The following SLC29A2 variants were observed in gnomAD, a reference collection of about 807,000 sequenced individuals.
The protein encoded by SLC29A2 is solute carrier family 29 member 2, also known as equilibrative nucleoside transporter 2.
A neutral mutation model predicts 48.8 loss-of-function variants in SLC29A2; 37 were observed. The ratio of observed to expected loss-of-function variants is 0.76; its 90% confidence interval spans 0.58 to 1.00. The LOEUF is 1.00. Among genes scored for constraint, SLC29A2 ranks in the 50% least tolerant of loss-of-function variants. SLC29A2 has a pLI of 0.00. For missense variants in SLC29A2, 533 were observed against 578.6 expected (o/e 0.92, Z 0.81); for synonymous variants, 233 against 261.7 (o/e 0.89, Z 1.06).
intron 2 of SLC29A2, among the ~76,000 whole-genome samples, chr11:66,370,901 A>G (rs1855997496): frequency 6.6e-6 from 1 of 151,748 alleles, no homozygotes; most frequent in Non-Finnish European, 1.5e-5. Context: ...GAATGAGTGA[A>G]TGAATGAAAT....
Position 66,371,688 on chromosome 11 carries a change from C to A in SLC29A2, c.-97G>T. The A allele has an allele frequency of 8.8e-7, 1 of 1,130,054 alleles. No individual in the cohort carries two copies. The highest frequency in any genetic ancestry group is 1.3e-6 in the Non-Finnish European group (1 of 794,892). 70.0% of individuals were successfully genotyped at this position (1,130,054 alleles called of 1,614,324 possible). On this transcript the variant is annotated 5_prime_UTR_variant, in exon 1 of 12. Transcript: ENST00000357440. Reference sequence around the variant, plus strand: ...GGCCGCAGACCGGTGGGGCGGGGGGCGGGTCTCCCCAGATTCCGGTGCAGG... The same window carrying A: ...GGCCGCAGACCGGTGGGGCGGGGGGAGGGTCTCCCCAGATTCCGGTGCAGG...
chr11:66,366,303 G>T, intron 8 of SLC29A2, 72 bp from the exon 9 acceptor site: 1 of 1,599,078 alleles, frequency 6.3e-7, no homozygotes, highest in Non-Finnish European at 8.6e-7. Context: ...CAAGCCCCAT[G>T]TGGGAGCAGG....
chr11:66,366,365 C>G (rs2135000807), intron 8 of SLC29A2, 66 bp downstream of exon 8: 1 of 1,612,908 alleles, frequency 6.2e-7, no homozygotes, highest in Non-Finnish European at 8.5e-7. Context: ...ACCCTATGAC[C>G]TTGGAGTCAA....
chr11:66,366,262 C>T, intron 8 of SLC29A2, 31 bp from the exon 9 acceptor site: 1 of 1,604,126 alleles, frequency 6.2e-7, no homozygotes, highest in South Asian at 1.1e-5. Flanking sequence ...TGTGAGCAGG[C>T]AGGGCAGTCC....
rs1368801211 is a variant in SLC29A2 at position 66,367,930 on chromosome 11, T to G, written c.551-61A>C. The G allele has an allele frequency of 2.2e-6, 3 of 1,348,472 alleles. No homozygotes were observed. The East Asian group carries it at 7.2e-5, about 33-fold the overall frequency. 83.5% of individuals were successfully genotyped at this position (1,348,472 alleles called of 1,614,324 possible). ...TGGTCCCGCCGGCTCCCACGGGGCTTCCAACTCTTGTCCCACTTCCCATTG... is the reference window on the plus strand; with the variant it reads ...TGGTCCCGCCGGCTCCCACGGGGCTGCCAACTCTTGTCCCACTTCCCATTG... On this transcript the variant is annotated intron_variant, in intron 5 of 11. Coordinates refer to ENST00000357440, the MANE Select transcript of SLC29A2 (RefSeq NM_001532.3).
intron 5 of SLC29A2, among the ~76,000 whole-genome samples, chr11:66,368,206 G>C (rs72940520): frequency 0.017 from 2,573 of 152,292 alleles, 31 homozygotes; most frequent in South Asian, 0.032. Flanking sequence ...AACACCCCTA[G>C]CTGGTAAGCG....
chr11:66,366,957 C>A (rs1257267968), intron 7 of SLC29A2, among the ~76,000 whole-genome samples: 1 of 152,068 alleles, frequency 6.6e-6, no homozygotes, highest in African/African-American at 2.4e-5. Flanking sequence ...TAACAACAAC[C>A]CCCTCACCCC....
intron 10 of SLC29A2, among the ~76,000 whole-genome samples, chr11:66,365,520 G>A (rs1285861318): frequency 6.6e-6 from 1 of 152,252 alleles, no homozygotes; most frequent in African/African-American, 2.4e-5. Flanking sequence ...GGAAGCTGTA[G>A]ATCAGCTCCT....
rs8187658 is a variant in SLC29A2, at chr11:66,366,614, C to T, written c.734-50G>A. 307,503 of 1,600,656 alleles carry T rather than the reference C, an allele frequency of 0.19. 30,807 individuals carry two copies. Among genetic ancestry groups the T allele is most frequent in the East Asian group, 0.25 (11,026 of 44,610 alleles). On this transcript the variant is annotated intron_variant, in intron 7 of 11. Transcript: ENST00000357440. ...GGTCATGCTTGTGACCCAGGTTTCC[C>T]GACAGCCAGGCCCAACGAAGGGAGA... is the stretch of plus-strand genomic sequence containing the variant.
Position 66,369,121 on chromosome 11 carries a change from C to G in SLC29A2, c.354G>C (p.Lys118Asn), listed in dbSNP as rs1178684056. 6 of 1,591,882 alleles carry G rather than the reference C, an allele frequency of 3.8e-6. No homozygotes were observed. Among genetic ancestry groups the G allele is most frequent in the East Asian group, 2.3e-5 (1 of 43,652 alleles). ...LLFALTAALVKVDMSPGPFFS... is the reference protein window; with the variant it reads ...LLFALTAALVNVDMSPGPFFS... ...AGAAGGGTCCGGGGCTCATGTCCACCTTGACCAGCGCTGCTGTCAGGGCAA... is the reference window on the plus strand; with the variant it reads ...AGAAGGGTCCGGGGCTCATGTCCACGTTGACCAGCGCTGCTGTCAGGGCAA... The change falls in exon 4 of 12, where the codon AAG becomes AAC. Residue 118 changes from lysine to asparagine, a missense_variant. Lys to Asn is a moderately conservative substitution (Grantham distance 94). Coordinates refer to ENST00000357440, the MANE Select transcript of SLC29A2 (RefSeq NM_001532.3).
At position 66,363,477 on chromosome 11, in the gene SLC29A2, AG is replaced by A. The variant is rs1237107312; in HGVS notation, c.1329del (p.Cys444ValfsTer88). ...LMTFFLALGL[S>X]CGASLSFLFK... is the part of the protein sequence containing the mutation. ...AAGAGGAAGGAGAGGGAGGCTCCAC[AG>A]GAAAGTCCCAGGGCCAGGAAGAAGG... is the stretch of plus-strand genomic sequence containing the variant. On this transcript the variant is annotated frameshift_variant, in exon 12 of 12. Transcript: ENST00000357440. LOFTEE classifies it high-confidence loss of function. The A allele has an allele frequency of 8.1e-6, 13 of 1,614,070 alleles. No homozygotes were observed. Among genetic ancestry groups the A allele is most frequent in the Non-Finnish European group, 1.1e-5 (13 of 1,180,034 alleles).
chr11:66,366,722 G>A (rs2135002240), intron 7 of SLC29A2, among the ~76,000 whole-genome samples, 158 bp from the exon 8 acceptor site: 1 of 152,262 alleles, frequency 6.6e-6, no homozygotes, highest in Non-Finnish European at 1.5e-5. Flanking sequence ...GGCCGAGGCG[G>A]GCATATTGCT....
chr11:66,363,679 G>C (rs967887203), intron 11 of SLC29A2, 132 bp from the exon 12 acceptor site: 1 of 715,432 alleles, frequency 1.4e-6, no homozygotes, highest in Non-Finnish European at 2.6e-6. Context: ...CCTTCTTTCC[G>C]GGCCTCAGTT....
Position 66,368,669 on chromosome 11 carries a change from A to G in SLC29A2, c.418T>C (p.Phe140Leu). 6.3e-7 allele frequency: 1 copy of G among 1,595,818 alleles called. No individual in the cohort carries two copies. Among genetic ancestry groups the G allele is most frequent in the East Asian group, 2.3e-5 (1 of 44,178 alleles). ...TMASVCFINS[F>L]SAVLQGSLFG... The stretch of plus-strand genomic sequence containing the variant: ...AGGCTGCCCTGTAGGACTGCACTGA[A>G]GGCTGTGGAGGACAGGGATGGGGGC... Residue 140 changes from phenylalanine (F) to leucine (L), a missense_variant and splice_region_variant, in exon 5 of 12, where the codon TTC (phenylalanine) becomes CTC (leucine). Coordinates refer to ENST00000357440, the MANE Select transcript of SLC29A2 (RefSeq NM_001532.3).
At chr11:66,371,370 C>T (rs1376413914) in intron 1 of SLC29A2, 45 bp from the exon 2 acceptor site, 3 of 1,595,098 alleles carry the variant, frequency 1.9e-6, no homozygotes, top group Non-Finnish European at 2.6e-6. Flanking sequence ...GCACCCGCCT[C>T]CGCAGGCCCT....
chr11:66,365,195 G>A (rs754024782), intron 10 of SLC29A2, among the ~76,000 whole-genome samples: 3 of 152,064 alleles, frequency 2.0e-5, no homozygotes, highest in African/African-American at 4.8e-5. Context: ...GTGAGCCACC[G>A]CGTCCAGCCC....
intron 6 of SLC29A2, 61 bp downstream of exon 6, chr11:66,367,711 A>T (rs1855784441): frequency 6.5e-7 from 1 of 1,537,814 alleles, no homozygotes. Context: ...TCAGGGCCTC[A>T]GGCTCAGGAC....
chr11:66,363,387 C>T lies in SLC29A2; in HGVS notation c.*49G>A, dbSNP rs778278574. 50 of 1,450,192 alleles carry T rather than the reference C, an allele frequency of 3.4e-5. No individual in the cohort carries two copies. The highest frequency in any genetic ancestry group is 5.6e-5 in the African/African-American group (4 of 71,574). 89.8% of individuals were successfully genotyped at this position (1,450,192 alleles called of 1,614,324 possible). On this transcript the variant is annotated 3_prime_UTR_variant, in exon 12 of 12. Transcript: ENST00000357440. ...TTCGCCCTGGGCTGGATCTCAGCTC[C>T]GGAAGGAGACGTCGAGAAGAGGCTG...
chr11:66,367,611 C>G, intron 6 of SLC29A2, 63 bp from the exon 7 acceptor site: 1 of 1,569,468 alleles, frequency 6.4e-7, no homozygotes, highest in Non-Finnish European at 8.8e-7. Context: ...GATCCCTCCC[C>G]ATACCATTGG....
Sources: allele counts gnomAD v4.1 joint callset (sites outside exome capture counted in the v4.1 genomes callset), GRCh38; gene constraint gnomAD v4.1.1; transcripts MANE v1.5; gene names NCBI Gene and HGNC (gene_info 2026-07-23, HGNC 2026-07-21).